APC2: variants seen among roughly 807,000 people sequenced by gnomAD.
The protein encoded by APC2 is adenomatous polyposis coli protein 2.
APC2 carries 41 observed loss-of-function variants against 72.5 expected under a neutral mutation model. The ratio of observed to expected loss-of-function variants is 0.57; its 90% CI spans 0.44 to 0.73. The LOEUF (loss-of-function observed/expected upper bound fraction) is 0.73. Ranked by LOEUF, APC2 falls within the 30% of genes least tolerant of loss-of-function variation. The pLI, the probability that APC2 is intolerant of heterozygous loss-of-function variation, is 0.00. For missense variants in APC2, 3,729 were observed against 3,403.4 expected (o/e 1.10, Z -2.38); for synonymous variants, 1,898 against 1,612.0 (o/e 1.18, Z -4.25).
At position 1,454,130 on chromosome 19, in the gene APC2, G is replaced by A. The variant is rs1452623954; in HGVS notation, c.413+519G>A. 3.3e-5 allele frequency among the ~76,000 whole-genome samples: 5 copies of A among 152,128 alleles called. No homozygotes were observed. In the East Asian group the frequency reaches 7.7e-4, roughly 23 times the overall value. On this transcript the variant is annotated intron_variant, in intron 4 of 14. Transcript: ENST00000590469. The stretch of plus-strand genomic sequence containing the variant: ...TGGGGTTGTCTGTGCTCTGCTGTGG[G>A]ACCTCACTCAGCTCCCCTAAACCCT...
intron 9 of APC2, 67 bp from the exon 10 acceptor site, chr19:1,457,898 G>GGGGGGGGGGGGGGGGGGGGGGGGGCCCCC: frequency 7.0e-7 from 1 of 1,430,282 alleles, no homozygotes; most frequent in African/African-American, 1.6e-5. Context: ...CGGGTTGCGG[G>GGGGGGGGGGGGGGGGGGGGGGGGGCCCCC]ACCTTCGGGA....
intron 8 of APC2, 77 bp from the exon 9 acceptor site, chr19:1,456,776 T>A: frequency 6.6e-7 from 1 of 1,509,798 alleles, no homozygotes; most frequent in South Asian, 1.2e-5. Flanking sequence ...GGGGCAGGGG[T>A]CACAGGGCTC....
At chr19:1,457,820 C>G (rs1259156055) in intron 9 of APC2, 145 bp from the exon 10 acceptor site, 1 of 694,582 alleles carries the variant, frequency 1.4e-6, no homozygotes, top group African/African-American at 1.8e-5. Flanking sequence ...CTTAGAGAGG[C>G]TGGGAAAGGA....
chr19:1,466,851 C>T lies in APC2; in HGVS notation c.3550C>T (p.Pro1184Ser), dbSNP rs1245540659. 1.3e-6 allele frequency: 2 copies of T among 1,560,390 alleles called. No homozygotes were observed. The highest frequency in any genetic ancestry group is 2.3e-5 in the South Asian group (2 of 85,232). ...PSIASSIPSE[P>S]CSGQGSGTIS... is the part of the protein sequence containing the mutation. ...CATCGCCAGCTCCATCCCCAGTGAA[C>T]CTTGCAGCGGGCAGGGCAGCGGCAC... is the stretch of plus-strand genomic sequence containing the variant. Residue 1184 changes from proline (P) to serine (S), a missense_variant, in exon 15 of 15, where the codon CCT becomes TCT. By Grantham distance (74) the Pro-to-Ser change is moderately conservative. Coordinates refer to ENST00000590469, the MANE Select transcript of APC2 (RefSeq NM_005883.3).
At chr19:1,456,760 G>T in intron 8 of APC2, 93 bp from the exon 9 acceptor site, 1 of 1,440,070 alleles carries the variant, frequency 6.9e-7, no homozygotes, top group Non-Finnish European at 9.2e-7. Context: ...GGCTGCCCTT[G>T]GGGACGGGGC....
rs768514230 is a variant in APC2 at position 1,462,183 on chromosome 19, C to T, written c.1853+6C>T. ...GCCACCCGTGAGGACTACAGGTCGG[C>T]CCCCACCCCCCCACCCGCACACAGG... On this transcript the variant is annotated splice_donor_region_variant and intron_variant, in intron 14 of 14. Transcript: ENST00000590469. 3.3e-6 allele frequency: 5 copies of T among 1,522,530 alleles called. No individual in the cohort carries two copies. The South Asian group carries it at 6.2e-5, about 19-fold the overall frequency. 94.3% of individuals were successfully genotyped at this position (1,522,530 alleles called of 1,614,324 possible).
chr19:1,462,485 G>A (rs1027313941), intron 14 of APC2, among the ~76,000 whole-genome samples: 1 of 151,008 alleles, frequency 6.6e-6, no homozygotes, highest in Non-Finnish European at 1.5e-5. Context: ...GAGAAAGCCT[G>A]TCCCTACTAA....
In APC2 at chr19:1,467,988, C is replaced by T. The variant is rs1403213469; in HGVS notation, c.4687C>T (p.Arg1563Trp). ...KAAPAAPPPA[R>W]TQPSLIADET... ...TGCACCAGCTGCCCCGCCGCCCGCC[C>T]GGACCCAGCCCAGCCTCATTGCTGA... The change falls in exon 15 of 15, where the codon CGG becomes TGG. Residue 1563 changes from arginine (R) to tryptophan (W), a missense_variant. By Grantham distance (101) the Arg-to-Trp change is moderately radical (BLOSUM62 -3). Coordinates refer to ENST00000590469, the MANE Select transcript of APC2 (RefSeq NM_005883.3). The T allele has an allele frequency of 1.9e-6, 3 of 1,581,230 alleles. No individual in the cohort carries two copies. The highest frequency in any genetic ancestry group is 2.2e-5 in the South Asian group (2 of 89,286).
chr19:1,470,875 A>T lies in APC2; in HGVS notation c.*662A>T, dbSNP rs1305682887. 1 of 152,252 alleles carries T rather than the reference A, an allele frequency of 6.6e-6. No individual in the cohort carries two copies. The highest frequency in any genetic ancestry group is 1.5e-5 in the Non-Finnish European group (1 of 68,050). The allele number at this position is 152,252 out of a possible 1,614,324, so 9.4% of individuals were successfully genotyped here. On this transcript the variant is annotated 3_prime_UTR_variant, in exon 15 of 15. Transcript: ENST00000590469. ...GAGCCCAAGCGCTCCGGCGGAGCCCAAAAGGGTGGGGGTGGGAGGGGCAGA... is the reference window on the plus strand; with the variant it reads ...GAGCCCAAGCGCTCCGGCGGAGCCCTAAAGGGTGGGGGTGGGAGGGGCAGA...
intron 4 of APC2, among the ~76,000 whole-genome samples, chr19:1,454,295 G>GTGTT (rs2083784341): frequency 6.6e-6 from 1 of 152,132 alleles, no homozygotes; most frequent in Non-Finnish European, 1.5e-5. Context: ...TATGGGAGAA[G>GTGTT]TGTTAGAGGC....
chr19:1,454,770 T>A (rs1229605776), intron 4 of APC2, among the ~76,000 whole-genome samples: 1 of 152,112 alleles, frequency 6.6e-6, no homozygotes, highest in Non-Finnish European at 1.5e-5. Flanking sequence ...GGTTTCACCG[T>A]GTTAGCCAGG....
Position 1,457,073 on chromosome 19 carries a change from G to A in APC2, c.1037G>A (p.Arg346His), listed in dbSNP as rs1453629380. Residue 346 changes from arginine (R) to histidine (H), a missense_variant, in exon 9 of 15, where the codon CGC becomes CAC. Transcript: ENST00000590469. ...GAPGAKDARM[R>H]ANAALHNIVF... ...CCGGGCGCCAAGGACGCACGCATGC[G>A]CGCCAACGCGGCGCTGCACAACATC... The A allele has an allele frequency of 3.9e-6, 6 of 1,552,500 alleles. No individual in the cohort carries two copies. Among genetic ancestry groups the A allele is most frequent in the Non-Finnish European group, 5.2e-6 (6 of 1,156,140 alleles).
At chr19:1,457,803 A>AT (rs2083858775) in intron 9 of APC2, 162 bp from the exon 10 acceptor site, 1 of 654,310 alleles carries the variant, frequency 1.5e-6, no homozygotes, top group Admixed American at 2.2e-5. Flanking sequence ...CCACCCCATC[A>AT]TCCCATCTTA....
At position 1,466,882 on chromosome 19, in the gene APC2, G is replaced by T; in HGVS notation, c.3581G>T (p.Ser1194Ile). ...AGCGGGCAGGGCAGCGGCACCATCA[G>T]CCCTAGCGAGCTGCCCGACAGCCCC... ...PCSGQGSGTISPSELPDSPGQ... is the reference protein window; with the variant it reads ...PCSGQGSGTIIPSELPDSPGQ... Residue 1194 changes from serine (S) to isoleucine (I), a missense_variant, in exon 15 of 15, where the codon AGC becomes ATC. Transcript: ENST00000590469. 1 of 1,569,710 alleles carries T rather than the reference G, an allele frequency of 6.4e-7. No individual in the cohort carries two copies.
At position 1,455,132 on chromosome 19, in the gene APC2, G is replaced by T. The variant is rs199638221; in HGVS notation, c.414-17G>T. 2.0e-6 allele frequency: 3 copies of T among 1,537,818 alleles called. No individual in the cohort carries two copies. Among genetic ancestry groups the T allele is most frequent in the South Asian group, 1.2e-5 (1 of 81,174 alleles). On this transcript the variant is annotated splice_polypyrimidine_tract_variant and intron_variant, in intron 4 of 14. Transcript: ENST00000590469. ...GGCGCCGCCCTCTGAGCCCGCCCCC[G>T]CTGACTTGCTCCCCAGGTGTTTCCT...
chr19:1,465,187 C>G lies in APC2; in HGVS notation c.1886C>G (p.Thr629Arg). 2.5e-6 allele frequency: 4 copies of G among 1,606,452 alleles called. No individual in the cohort carries two copies. The highest frequency in any genetic ancestry group is 2.5e-6 in the Non-Finnish European group (3 of 1,177,352). Residue 629 changes from threonine (T) to arginine (R), a missense_variant, in exon 15 of 15, where the codon ACG (threonine) becomes AGG (arginine). Thr to Arg is a moderately conservative substitution (Grantham distance 71). Transcript: ENST00000590469. ...CTCCGGGATCACAACTGTCTGCAGA[C>G]GCTGCTGCAGCATCTGACTTCGCAC... ...QVLRDHNCLQ[T>R]LLQHLTSHSL...
At chr19:1,460,487 G>A (rs1018387109) in intron 11 of APC2, among the ~76,000 whole-genome samples, 167 bp downstream of exon 11, 13 of 152,252 alleles carry the variant, frequency 8.5e-5, no homozygotes, top group South Asian at 2.1e-4. Flanking sequence ...GTGGGGGGAC[G>A]GGAGCGCGTG....
In APC2 at chr19:1,466,551, C is replaced by T. The variant is rs2084019178; in HGVS notation, c.3250C>T (p.Pro1084Ser). Residue 1084 changes from proline (P) to serine (S), a missense_variant, in exon 15 of 15, where the codon CCC (proline) becomes TCC (serine). Coordinates refer to ENST00000590469, the MANE Select transcript of APC2 (RefSeq NM_005883.3). ...SSLSSAGRPG[P>S]SEGGDLDDSD... ...GCTGTCCTCGGCCGGCCGCCCAGGC[C>T]CCAGCGAGGGTGGTGACCTGGATGA... is the stretch of plus-strand genomic sequence containing the variant. 1 of 1,583,232 alleles carries T rather than the reference C, an allele frequency of 6.3e-7. No individual in the cohort carries two copies. Among genetic ancestry groups the T allele is most frequent in the East Asian group, 2.3e-5 (1 of 44,092 alleles).
At chr19:1,446,366 G>T, upstream of APC2, 1 of 985,424 alleles carries the variant, frequency 1.0e-6, no homozygotes, top group South Asian at 4.7e-5. The surrounding 1 kb of genome is among the most constrained non-coding windows in gnomAD (Gnocchi z 6.1). Flanking sequence ...TCGAGCCGTT[G>T]GGGAGGGCTC....
Sources: allele counts gnomAD v4.1 joint callset (sites outside exome capture counted in the v4.1 genomes callset), GRCh38; gene constraint gnomAD v4.1.1; non-coding constraint Gnocchi (gnomAD v3.1); transcripts MANE v1.5; gene names NCBI Gene and HGNC (gene_info 2026-07-23, HGNC 2026-07-21).